Variants in ADI1 observed in about 807,000 individuals in gnomAD.
ADI1 encodes the protein acireductone dioxygenase 1, also known as acireductone dioxygenase.
ADI1 carries 21 observed loss-of-function variants against 18.7 expected under a neutral mutation model. The observed-to-expected ratio is 1.13, with a 90% CI of 0.80 to 1.62. The LOEUF (loss-of-function observed/expected upper bound fraction) is 1.62, where lower values mean the gene tolerates loss of function less well. Among genes scored for constraint, ADI1 ranks in the 40% most tolerant of loss-of-function variants. ADI1 has a pLI of 0.00. For missense variants in ADI1, 245 were observed against 254.9 expected, an observed-to-expected ratio of 0.96 and a Z score of 0.26; for synonymous variants, 90 against 100.1, an observed-to-expected ratio of 0.90 and a Z score of 0.60.
rs1034356099 is a variant in ADI1 at position 3,516,763 on chromosome 2, T to A, written c.120+2605A>T. ...TAAAATAATCTTCCAATTGTTTGTA[T>A]GTATGACAAAAGGTTTTTTAGAACT... On this transcript the variant is annotated intron_variant, in intron 1 of 3. Transcript: ENST00000327435. 4 of 985,228 alleles carry A rather than the reference T, an allele frequency of 4.1e-6. No individual in the cohort carries two copies. In the African/African-American group the frequency reaches 7.0e-5, roughly 17 times the overall value. The allele number at this position is 985,228 out of a possible 1,614,324, so 61.0% of individuals were successfully genotyped here. A position where few individuals can be genotyped will look rare whatever the true frequency, so the allele number is the denominator to read the frequency against.
intron 1 of ADI1, 119 bp downstream of exon 1, chr2:3,519,249 G>C: frequency 3.1e-6 from 4 of 1,281,052 alleles, no homozygotes; most frequent in South Asian, 2.2e-5. Context: ...CCGCTGCTGA[G>C]CATGCGCAGC....
Position 3,500,807 on chromosome 2 carries a change from C to G in ADI1, c.420+7G>C, listed in dbSNP as rs772791177. 6.2e-7 allele frequency: 1 copy of G among 1,613,576 alleles called. No homozygotes were observed. Among genetic ancestry groups the G allele is most frequent in the African/African-American group, 1.3e-5 (1 of 74,954 alleles). ...CCGGGCCTGGGGAGAAAGCACAGCA[C>G]TCCCACCTTCTCGTCCACCGTGAAG... On this transcript the variant is annotated splice_region_variant and intron_variant, in intron 3 of 3. Transcript: ENST00000327435.
intron 3 of ADI1, chr2:3,500,485 A>T: frequency 8.6e-6 from 4 of 466,172 alleles, no homozygotes; most frequent in Admixed American, 3.9e-5. Context: ...CCTCACCGCC[A>T]AGCAAGGGCT....
intron 1 of ADI1, chr2:3,515,800 A>C: frequency 1.4e-6 from 1 of 740,718 alleles, no homozygotes; most frequent in Non-Finnish European, 1.6e-6. Flanking sequence ...CCCAGCTGTA[A>C]AATTCCTCTC....
At chr2:3,514,339 T>C (rs534167973) in intron 1 of ADI1, among the ~76,000 whole-genome samples, 14 of 152,334 alleles carry the variant, frequency 9.2e-5, no homozygotes, top group African/African-American at 3.4e-4. Flanking sequence ...ATGAGTCTCA[T>C]TGATCCTCAA....
chr2:3,514,029 G>GAA, intron 1 of ADI1, 53 bp from the exon 2 acceptor site: 1 of 1,544,148 alleles, frequency 6.5e-7, no homozygotes, highest in Non-Finnish European at 8.7e-7. Flanking sequence ...AGGAGATGTA[G>GAA]AAACATTCTC....
chr2:3,503,758 G>C, intron 2 of ADI1, among the ~76,000 whole-genome samples: 1 of 152,164 alleles, frequency 6.6e-6, no homozygotes. Flanking sequence ...GATGCGCCAG[G>C]GGACAGAAGT....
intron 2 of ADI1, among the ~76,000 whole-genome samples, chr2:3,506,950 C>A (rs1305409312): frequency 2.6e-5 from 4 of 152,242 alleles, no homozygotes; most frequent in Admixed American, 6.5e-5. Flanking sequence ...TCTTTTGACT[C>A]TCTCTGAGCT....
chr2:3,513,991 CCACCAAAAACAAG>C lies in ADI1; in HGVS notation c.121-28_121-16del. 6.3e-7 allele frequency: 1 copy of C among 1,580,700 alleles called. No individual in the cohort carries two copies. The highest frequency in any genetic ancestry group is 8.5e-7 in the Non-Finnish European group (1 of 1,170,248). ...TCAGCATCCAGCTAAAAGAGTTAAC[CCACCAAAAACAAG>C]AGCTCAGATTAACAAGGAGATGTAG... On this transcript the variant is annotated splice_polypyrimidine_tract_variant and intron_variant, in intron 1 of 3. Transcript: ENST00000327435.
chr2:3,513,898 T>C lies in ADI1; in HGVS notation c.199A>G (p.Ile67Val), dbSNP rs780855772. The C allele has an allele frequency of 6.2e-7, 1 of 1,611,144 alleles. No individual in the cohort carries two copies. Among genetic ancestry groups the C allele is most frequent in the Non-Finnish European group, 8.5e-7 (1 of 1,179,424 alleles). ...GGTAGTTTATCTTTGCATATGGTTATGATGTCCATCCAGGAGTAGTTCCTC... is the reference window on the plus strand; with the variant it reads ...GGTAGTTTATCTTTGCATATGGTTACGATGTCCATCCAGGAGTAGTTCCTC... ...RERNYSWMDIITICKDKLPNY... is the reference protein window; with the variant it reads ...RERNYSWMDIVTICKDKLPNY... The change falls in exon 2 of 4, where the codon ATA (isoleucine) becomes GTA (valine). Residue 67 changes from isoleucine (I) to valine (V), a missense_variant. Transcript: ENST00000327435.
At chr2:3,505,052 T>C (rs1187497951) in intron 2 of ADI1, among the ~76,000 whole-genome samples, 1 of 152,166 alleles carries the variant, frequency 6.6e-6, no homozygotes, top group Non-Finnish European at 1.5e-5. Flanking sequence ...TCACCTATGT[T>C]TGTATTGTTG....
chr2:3,513,821 GA>G, intron 2 of ADI1, 35 bp downstream of exon 2: 1 of 1,572,016 alleles, frequency 6.4e-7, no homozygotes, highest in African/African-American at 1.4e-5. Context: ...TGAATATAAT[GA>G]TACTTCTTTT....
At chr2:3,515,938 T>C (rs1667399318) in intron 1 of ADI1, 1 of 985,360 alleles carries the variant, frequency 1.0e-6, no homozygotes, top group Non-Finnish European at 1.2e-6. Flanking sequence ...CAATACGTTA[T>C]TTTCTACAAA....
intron 1 of ADI1, chr2:3,516,798 T>G: frequency 3.0e-6 from 3 of 985,482 alleles, no homozygotes; most frequent in Non-Finnish European, 3.6e-6. Flanking sequence ...TCTATGTCAC[T>G]AATAACAGAT....
Position 3,519,455 on chromosome 2 carries a change from CG to C in ADI1, c.32del (p.Pro11ArgfsTer42). On this transcript the variant is annotated frameshift_variant, in exon 1 of 4. Transcript: ENST00000327435. LOFTEE classifies it high-confidence loss of function. MVQAWYMDDA[P>X]GDPRQPHRPD... ...GGCGGTGGGGTTGCCGCGGGTCGCC[CG>C]GGGCGTCGTCCATATACCAGGCCTG... The C allele has an allele frequency of 7.4e-7, 1 of 1,354,996 alleles. No homozygotes were observed. The highest frequency in any genetic ancestry group is 9.4e-7 in the Non-Finnish European group (1 of 1,058,280). 83.9% of individuals were successfully genotyped at this position (1,354,996 alleles called of 1,614,324 possible). A position where few individuals can be genotyped will look rare whatever the true frequency, so the allele number is the denominator to read the frequency against.
chr2:3,503,944 C>A (rs1164699978), intron 2 of ADI1, among the ~76,000 whole-genome samples: 1 of 152,162 alleles, frequency 6.6e-6, no homozygotes, highest in South Asian at 2.1e-4. Context: ...GAAAACCAAC[C>A]CCCGGGTGAG....
chr2:3,501,115 T>C, intron 2 of ADI1, 122 bp from the exon 3 acceptor site: 1 of 765,722 alleles, frequency 1.3e-6, no homozygotes, highest in Non-Finnish European at 1.9e-6. Flanking sequence ...CTTCTCTCCA[T>C]AAAAATGAAA....
In ADI1 at chr2:3,500,953, T is replaced by G; in HGVS notation, c.281A>C (p.Glu94Ala). Residue 94 changes from glutamate to alanine, a missense_variant, in exon 3 of 4, where the codon GAG (glutamate) becomes GCG (alanine). Physicochemically the swap from Glu to Ala is moderately radical, Grantham distance 107 (BLOSUM62 -1). Transcript: ENST00000327435. ...FYEEHLHLDD[E>A]IRYILDGSGY... ...ACTGCCATCCAGGATGTAGCGGATC[T>G]CATCGTCCAAGTGCAAATGCTCCTC... 6.2e-7 allele frequency: 1 copy of G among 1,613,442 alleles called. No individual in the cohort carries two copies. Among genetic ancestry groups the G allele is most frequent in the South Asian group, 1.1e-5 (1 of 90,982 alleles).
rs1199237786 is a variant in ADI1 at position 3,519,507 on chromosome 2, G to A, written c.-20C>T. The A allele has an allele frequency of 3.9e-5, 50 of 1,269,206 alleles. No individual in the cohort carries two copies. Among genetic ancestry groups the A allele is most frequent in the Non-Finnish European group, 4.2e-5 (42 of 1,005,402 alleles). The allele number at this position is 1,269,206 out of a possible 1,614,324, so 78.6% of individuals were successfully genotyped here. ...CACCATGACGCGCAGTGCGGGTGCC[G>A]TGTTCGAACCCAGGGGCCGCGCTCG... On this transcript the variant is annotated 5_prime_UTR_variant, in exon 1 of 4. The change creates a new upstream start codon in the 5' untranslated region. Transcript: ENST00000327435.
Sources: allele counts gnomAD v4.1 joint callset (sites outside exome capture counted in the v4.1 genomes callset), GRCh38; gene constraint gnomAD v4.1.1; transcripts MANE v1.5; gene names NCBI Gene and HGNC (gene_info 2026-07-23, HGNC 2026-07-21).